SFXN2: variants seen among roughly 807,000 people sequenced by gnomAD.
The protein encoded by SFXN2 is sideroflexin 2.
Under a neutral mutation model 41.9 loss-of-function variants are expected in SFXN2, and 37 were observed. The ratio of observed to expected loss-of-function variants is 0.88; its 90% CI spans 0.68 to 1.16. The LOEUF is 1.16. Ranked by LOEUF, SFXN2 falls within the 50% of genes most tolerant of loss-of-function variation. SFXN2 has a pLI of 0.00. For synonymous variants in SFXN2, 150 were observed against 156.7 expected, an observed-to-expected ratio of 0.96 and a Z score of 0.32; for missense variants, 386 against 425.2, an observed-to-expected ratio of 0.91 and a Z score of 0.81.
chr10:102,734,256 G>A lies in SFXN2; in HGVS notation c.821+653G>A, dbSNP rs886257010. On this transcript the variant is annotated intron_variant, in intron 10 of 11. Transcript: ENST00000369893. The surrounding 1 kb of genome is among the most constrained non-coding windows in gnomAD (Gnocchi z 4.1). Reference sequence around the variant, plus strand: ...ATGTGTCCCAGACTCACACAGGAGGGAAATGCCACCAGTCACGTCAGGGTT... The same window carrying A: ...ATGTGTCCCAGACTCACACAGGAGGAAAATGCCACCAGTCACGTCAGGGTT... 1.3e-5 allele frequency among the ~76,000 whole-genome samples: 2 copies of A among 152,144 alleles called. No individual in the cohort carries two copies. The highest frequency in any genetic ancestry group is 4.8e-5 in the African/African-American group (2 of 41,424).
At chr10:102,718,655 T>A (rs1289198382) in intron 1 of SFXN2, among the ~76,000 whole-genome samples, 1 of 152,220 alleles carries the variant, frequency 6.6e-6, no homozygotes, top group Non-Finnish European at 1.5e-5. Context: ...ATTGAGCCTC[T>A]CCTCTTGTTC....
chr10:102,722,561 G>A (rs1469240778), intron 1 of SFXN2, among the ~76,000 whole-genome samples: 1 of 152,168 alleles, frequency 6.6e-6, no homozygotes, highest in Non-Finnish European at 1.5e-5. Context: ...CCCAGACAGG[G>A]TCTCACTCTG....
chr10:102,725,752 G>A (rs1415168118), intron 1 of SFXN2, among the ~76,000 whole-genome samples: 1 of 151,880 alleles, frequency 6.6e-6, no homozygotes, highest in Non-Finnish European at 1.5e-5. Context: ...AAATTAGCCA[G>A]GGTGGTGGTA....
chr10:102,733,432 GC>G lies in SFXN2; in HGVS notation c.772-120del, dbSNP rs1377880678. 4 of 739,170 alleles carry G rather than the reference GC, an allele frequency of 5.4e-6. No homozygotes were observed. The Admixed American group carries it at 6.6e-5, about 12-fold the overall frequency. 45.8% of individuals were successfully genotyped at this position (739,170 alleles called of 1,614,324 possible). A position where few individuals can be genotyped will look rare whatever the true frequency, so the allele number is the denominator to read the frequency against. On this transcript the variant is annotated intron_variant, in intron 9 of 11. Coordinates refer to ENST00000369893, the MANE Select transcript of SFXN2 (RefSeq NM_178858.6). Reference sequence around the variant, plus strand: ...CAAAGTGCTGGGATTACAGGCATGAGCCACTGCGCCCAGCCACCTGTGGGCT... The same window carrying G: ...CAAAGTGCTGGGATTACAGGCATGAGCACTGCGCCCAGCCACCTGTGGGCT...
intron 9 of SFXN2, 46 bp from the exon 10 acceptor site, chr10:102,733,508 G>T (rs1433037188): frequency 3.3e-6 from 5 of 1,519,210 alleles, no homozygotes; most frequent in Non-Finnish European, 4.6e-6. Context: ...TCACCTTAAG[G>T]CATAGAAGTA....
Position 102,737,941 on chromosome 10 carries a change from G to A in SFXN2, c.*179G>A. ...TGGTACTGGTTGATTGGACCTCAGG[G>A]GAAAAAAGTGAAAAAGGGTAGCAAA... On this transcript the variant is annotated 3_prime_UTR_variant, in exon 12 of 12. Coordinates refer to ENST00000369893, the MANE Select transcript of SFXN2 (RefSeq NM_178858.6). 2.4e-6 allele frequency: 1 copy of A among 416,316 alleles called. No homozygotes were observed. The highest frequency in any genetic ancestry group is 5.1e-5 in the South Asian group (1 of 19,652). 25.8% of individuals were successfully genotyped at this position (416,316 alleles called of 1,614,324 possible). A position where few individuals can be genotyped will look rare whatever the true frequency, so the allele number is the denominator to read the frequency against.
At chr10:102,729,503 G>A in intron 5 of SFXN2, 109 bp downstream of exon 5, 1 of 1,346,192 alleles carries the variant, frequency 7.4e-7, no homozygotes. Context: ...GTTGGGAATG[G>A]CCAGAGCCCG....
chr10:102,731,804 G>T, intron 7 of SFXN2, 21 bp downstream of exon 7: 1 of 1,609,794 alleles, frequency 6.2e-7, no homozygotes. Context: ...GCCTCCCTTT[G>T]GGGTGGGAGG....
intron 1 of SFXN2, 113 bp downstream of exon 1, chr10:102,714,794 G>C (rs936727306): frequency 6.4e-6 from 1 of 155,190 alleles, no homozygotes; most frequent in African/African-American, 2.4e-5. Flanking sequence ...GCGCGGGCTG[G>C]ACTTCCACCT....
intron 1 of SFXN2, among the ~76,000 whole-genome samples, chr10:102,724,528 C>T (rs897788009): frequency 1.3e-4 from 20 of 152,016 alleles, no homozygotes; most frequent in Non-Finnish European, 1.2e-4. Flanking sequence ...ATGGTGAAAC[C>T]CCATCTCTAC....
chr10:102,729,175 G>T, intron 4 of SFXN2, 144 bp from the exon 5 acceptor site: 1 of 696,216 alleles, frequency 1.4e-6, no homozygotes, highest in East Asian at 2.7e-5. Flanking sequence ...GAGTGAGGGG[G>T]AGAGGGTCAC....
At chr10:102,720,446 A>G (rs1054721179) in intron 1 of SFXN2, among the ~76,000 whole-genome samples, 3 of 151,956 alleles carry the variant, frequency 2.0e-5, no homozygotes, top group Non-Finnish European at 2.9e-5. Context: ...TGTCTCTACA[A>G]AAAATACAAA....
At position 102,721,640 on chromosome 10, in the gene SFXN2, AG is replaced by A. The variant is rs1183122600; in HGVS notation, c.-25-4971del. ...ATATAGTTATATAATTTATATATTT[AG>A]AAAATATATATTATAGTATACAAAT... On this transcript the variant is annotated intron_variant, in intron 1 of 11. Transcript: ENST00000369893. Among the ~76,000 whole-genome samples, 3 of 148,104 alleles carry A rather than the reference AG, an allele frequency of 2.0e-5. No individual in the cohort carries two copies. In the East Asian group the frequency reaches 5.8e-4, roughly 29 times the overall value.
chr10:102,722,526 ATTTG>A (rs900853942), intron 1 of SFXN2, among the ~76,000 whole-genome samples: 4 of 152,132 alleles, frequency 2.6e-5, no homozygotes, highest in Admixed American at 2.0e-4. Context: ...AAAGATTTTT[ATTTG>A]TTTGTTTGTT....
intron 6 of SFXN2, 80 bp downstream of exon 6, chr10:102,729,888 TCTGGGGA>T (rs1484571850): frequency 4.9e-5 from 74 of 1,506,024 alleles, no homozygotes; most frequent in Non-Finnish European, 6.4e-5. Flanking sequence ...GTGGGTGGCT[TCTGGGGA>T]CTGCGGTGGG....
At chr10:102,723,696 ACCAACATTCCCACACCATC>A (rs1480992881) in intron 1 of SFXN2, among the ~76,000 whole-genome samples, 1 of 152,236 alleles carries the variant, frequency 6.6e-6, no homozygotes, top group African/African-American at 2.4e-5. Context: ...ATCTAGGAAG[ACCAACATTCCCACACCATC>A]CCTACCACCA....
At chr10:102,722,925 C>CT (rs71019608) in intron 1 of SFXN2, among the ~76,000 whole-genome samples, 33 of 53,330 alleles carry the variant, frequency 6.2e-4, no homozygotes, top group East Asian at 1.3e-3. Flanking sequence ...CAAGAAAGTC[C>CT]TTTTTTTTTT....
intron 5 of SFXN2, 106 bp from the exon 6 acceptor site, chr10:102,729,617 C>A: frequency 8.0e-7 from 1 of 1,248,758 alleles, no homozygotes; most frequent in Non-Finnish European, 1.1e-6. Context: ...GGATGTGTGG[C>A]GGTAGCAAGG....
intron 11 of SFXN2, among the ~76,000 whole-genome samples, chr10:102,736,543 A>T (rs2064782010): frequency 6.6e-6 from 1 of 151,390 alleles, no homozygotes; most frequent in Non-Finnish European, 1.5e-5. Flanking sequence ...CAGCCTCACG[A>T]GTAGCTGGGA....
Sources: gnomAD v4.1 joint callset for allele counts (sites outside exome capture counted in the v4.1 genomes callset) on GRCh38, gnomAD v4.1.1 for gene constraint, Gnocchi (gnomAD v3.1) non-coding constraint, MANE v1.5 for transcripts, NCBI Gene and HGNC (gene_info 2026-07-23, HGNC 2026-07-21) for gene names.